Variants in CRISP2 observed in about 807,000 individuals in gnomAD.
The protein encoded by CRISP2 is cysteine-rich secretory protein 2.
Under a neutral mutation model 31.7 loss-of-function variants are expected in CRISP2, and 29 were observed. The observed-to-expected ratio is 0.92, with a 90% confidence interval of 0.68 to 1.25. The LOEUF is 1.25. Ranked by LOEUF, CRISP2 falls within the 50% of genes most tolerant of loss-of-function variation. The probability of loss-of-function intolerance (pLI) is 0.00; values close to 1 mark genes in which losing one functional copy is unlikely to be tolerated. For synonymous variants in CRISP2, 111 were observed against 101.4 expected (o/e 1.09, Z -0.57); for missense variants, 318 against 286.5 (o/e 1.11, Z -0.79).
At chr6:49,703,887 T>G (rs73437880) in intron 4 of CRISP2, among the ~76,000 whole-genome samples, 5,075 of 152,262 alleles carry the variant, frequency 0.033, 301 homozygotes, top group African/African-American at 0.12. Flanking sequence ...TTCTTTTATT[T>G]GAATGTGTAG....
the CRISP2 span, among the ~76,000 whole-genome samples, chr6:49,676,894 T>C: frequency 6.6e-6 from 1 of 152,126 alleles, no homozygotes; most frequent in Non-Finnish European, 1.5e-5. Flanking sequence ...GCATCACTAG[T>C]TTTGTTGGTA....
In CRISP2 at chr6:49,696,491, G is replaced by A. The variant is rs547770121; in HGVS notation, c.516-567C>T. 6.4e-4 allele frequency among the ~76,000 whole-genome samples: 97 copies of A among 151,516 alleles called. 1 individual carries two copies. Among genetic ancestry groups the A allele is most frequent in the Non-Finnish European group, 1.1e-3 (74 of 67,896 alleles). ...GTGGTGTGTGTGTTTGTAGGAGTGT[G>A]CTTAGGAAGGTTTGTGAGCTTCTAG... On this transcript the variant is annotated intron_variant, in intron 8 of 9. Transcript: ENST00000339139.
intron 2 of CRISP2, among the ~76,000 whole-genome samples, 170 bp downstream of exon 2, chr6:49,712,331 C>T (rs1246057834): frequency 6.6e-6 from 1 of 152,224 alleles, no homozygotes; most frequent in Non-Finnish European, 1.5e-5. Context: ...CCTCAACCAT[C>T]TAACCTATAC....
At chr6:49,698,624 G>T in intron 6 of CRISP2, 117 bp from the exon 7 acceptor site, 2 of 1,014,424 alleles carry the variant, frequency 2.0e-6, no homozygotes, top group Non-Finnish European at 1.5e-6. Context: ...GCTAACTGTT[G>T]ATTAATACAT....
chr6:49,698,651 T>C, intron 6 of CRISP2, 144 bp from the exon 7 acceptor site: 1 of 813,628 alleles, frequency 1.2e-6, no homozygotes, highest in Admixed American at 2.8e-5. Context: ...GTGCCTCAGT[T>C]CCTTATCAGC....
chr6:49,696,851 T>C (rs563468591), intron 8 of CRISP2, among the ~76,000 whole-genome samples: 1 of 152,062 alleles, frequency 6.6e-6, no homozygotes, highest in Non-Finnish European at 1.5e-5. Flanking sequence ...GAAACAGATA[T>C]AAAAGGATTT....
At chr6:49,679,350 C>G in the CRISP2 span, among the ~76,000 whole-genome samples, 3 of 152,120 alleles carry the variant, frequency 2.0e-5, no homozygotes, top group Non-Finnish European at 4.4e-5. Flanking sequence ...GTATTAGCCA[C>G]CTGTTCAAGA....
In CRISP2 at chr6:49,692,705, A is replaced by C. The variant is rs12624; in HGVS notation, c.*68T>G. On this transcript the variant is annotated 3_prime_UTR_variant, in exon 10 of 10. Transcript: ENST00000339139. Reference sequence around the variant, plus strand: ...TGTCACTAACATACATACAATTTCCACTGGTATGTCGCAATTAAATGATGC... The same window carrying C: ...TGTCACTAACATACATACAATTTCCCCTGGTATGTCGCAATTAAATGATGC... 0.55 allele frequency: 785,197 copies of C among 1,428,180 alleles called. 221,141 individuals are homozygous for C. The highest frequency in any genetic ancestry group is 0.82 in the East Asian group (33,911 of 41,546). 88.5% of individuals were successfully genotyped at this position (1,428,180 alleles called of 1,614,324 possible).
chr6:49,695,729 A>G, intron 9 of CRISP2, 107 bp downstream of exon 9: 1 of 939,912 alleles, frequency 1.1e-6, no homozygotes, highest in Non-Finnish European at 1.6e-6. Context: ...TTTTTTCACC[A>G]ATACATTATT....
At chr6:49,692,971 G>A (rs897722005) in intron 9 of CRISP2, 71 bp from the exon 10 acceptor site, 6 of 1,544,304 alleles carry the variant, frequency 3.9e-6, no homozygotes, top group Middle Eastern at 1.8e-4. Flanking sequence ...CATTCAAAGT[G>A]TGTGGGGAGG....
At chr6:49,698,232 C>G in intron 7 of CRISP2, 130 bp downstream of exon 7, 1 of 1,090,176 alleles carries the variant, frequency 9.2e-7, no homozygotes, top group Non-Finnish European at 1.3e-6. Flanking sequence ...CTACAACAGC[C>G]AAATGCCAAG....
chr6:49,690,803 T>C (rs1764026232), downstream of CRISP2, among the ~76,000 whole-genome samples: 1 of 152,062 alleles, frequency 6.6e-6, no homozygotes, highest in African/African-American at 2.4e-5. Context: ...CTATTATTAT[T>C]GTAGAATGAA....
chr6:49,703,554 C>CA, intron 4 of CRISP2, among the ~76,000 whole-genome samples: 1 of 151,984 alleles, frequency 6.6e-6, no homozygotes, highest in Non-Finnish European at 1.5e-5. Flanking sequence ...AGGTATACTC[C>CA]AAAGTATTTT....
rs778890092 is a variant in CRISP2, at chr6:49,697,895, A to G, written c.480T>C (p.Ser160=). ...ATTGGCAAACATAGTAGTATTTTAG[A>G]CTATCTTGATTGGGACAGTAGGCAA... is the stretch of plus-strand genomic sequence containing the variant. ...CGIAYCPNQD[S]LKYYYVCQYC... Residue 160 remains serine, a synonymous_variant, in exon 8 of 10, where the codon AGT becomes AGC. Coordinates refer to ENST00000339139, the MANE Select transcript of CRISP2 (RefSeq NM_003296.4). 1 of 1,612,320 alleles carries G rather than the reference A, an allele frequency of 6.2e-7. No homozygotes were observed. The highest frequency in any genetic ancestry group is 1.1e-5 in the South Asian group (1 of 90,716).
intron 4 of CRISP2, among the ~76,000 whole-genome samples, chr6:49,704,436 T>G (rs1050459466): frequency 6.6e-6 from 1 of 152,180 alleles, no homozygotes; most frequent in Admixed American, 6.5e-5. Flanking sequence ...CGTTGTTTTG[T>G]CATATTACCA....
At chr6:49,700,870 G>C (rs187537339) in intron 4 of CRISP2, 86 bp from the exon 5 acceptor site, 10 of 864,970 alleles carry the variant, frequency 1.2e-5, no homozygotes, top group Non-Finnish European at 1.8e-5. Context: ...GAGAACAAAG[G>C]TCACTTTAAA....
rs1206958986 is a variant in CRISP2 at position 49,700,559 on chromosome 6, CA to C, written c.183+108del. ...TAATGGTTCAAATAAAATAACAAAACAGAGACACAACTTTGTAAACCACAAA... is the reference window on the plus strand; with the variant it reads ...TAATGGTTCAAATAAAATAACAAAACGAGACACAACTTTGTAAACCACAAA... On this transcript the variant is annotated intron_variant, in intron 5 of 9. Transcript: ENST00000339139. The C allele has an allele frequency of 6.4e-5, 46 of 719,024 alleles. No individual in the cohort carries two copies. In the Admixed American group the frequency reaches 7.9e-4, roughly 12 times the overall value. The allele number at this position is 719,024 out of a possible 1,614,324, so 44.5% of individuals were successfully genotyped here.
At position 49,697,744 on chromosome 6, in the gene CRISP2, G is replaced by A. The variant is rs73437860; in HGVS notation, c.515+116C>T. On this transcript the variant is annotated intron_variant, in intron 8 of 9. Coordinates refer to ENST00000339139, the MANE Select transcript of CRISP2 (RefSeq NM_003296.4). ...TCAACCTTAAAAAACATTTCCAAAC[G>A]TTTATCCCCTCCCTTTTATTGAGAT... 10,406 of 1,571,366 alleles carry A rather than the reference G, an allele frequency of 6.6e-3. 610 individuals are homozygous for A. In the African/African-American group the frequency reaches 0.12, roughly 18 times the overall value.
chr6:49,691,643 C>T (rs1159848724), downstream of CRISP2, among the ~76,000 whole-genome samples: 1 of 151,884 alleles, frequency 6.6e-6, no homozygotes, highest in Non-Finnish European at 1.5e-5. Flanking sequence ...TAAGATAATA[C>T]TATCTTAAAG....
Sources: gnomAD v4.1 joint callset for allele counts (sites outside exome capture counted in the v4.1 genomes callset) on GRCh38, gnomAD v4.1.1 for gene constraint, MANE v1.5 for transcripts, NCBI Gene and HGNC (gene_info 2026-07-23, HGNC 2026-07-21) for gene names.